The following ITPK1 variants were observed in gnomAD, a reference collection of about 807,000 sequenced individuals.
The protein encoded by ITPK1 is inositol 1,3,4-trisphosphate 5/6-kinase.
ITPK1 carries 21 observed loss-of-function variants against 45.3 expected under a neutral mutation model. That is an observed-to-expected ratio of 0.46 (90% CI 0.33 to 0.67). ITPK1 has a LOEUF of 0.67. Among genes scored for constraint, ITPK1 ranks in the 30% least tolerant of loss-of-function variants. The probability of loss-of-function intolerance (pLI) is 0.02; values close to 1 mark genes in which losing one functional copy is unlikely to be tolerated. For missense variants in ITPK1, 474 were observed against 573.5 expected (o/e 0.83, Z 1.77); for synonymous variants, 258 against 253.6 (o/e 1.02, Z -0.16).
intron 4 of ITPK1, among the ~76,000 whole-genome samples, chr14:93,001,381 G>C (rs1259276422): frequency 6.6e-6 from 1 of 152,138 alleles, no homozygotes; most frequent in Non-Finnish European, 1.5e-5. Context: ...TGCTTCTCGG[G>C]ACTCCAGCTT....
rs1472838992 is a variant in ITPK1 at position 92,937,810 on chromosome 14, C to T, written c.*3751G>A. 6.6e-6 allele frequency: 1 copy of T among 152,610 alleles called. No homozygotes were observed. Among genetic ancestry groups the T allele is most frequent in the African/African-American group, 2.4e-5 (1 of 41,470 alleles). The allele number at this position is 152,610 out of a possible 1,614,324, so 9.5% of individuals were successfully genotyped here. On this transcript the variant is annotated 3_prime_UTR_variant, in exon 11 of 11. Coordinates refer to ENST00000267615, the MANE Select transcript of ITPK1 (RefSeq NM_014216.6). ...CTTTGTCAAGGACAGCTGCACTTCT[C>T]TGCCTCCCGGTCACCAGGCTGGAGG...
In ITPK1 at chr14:92,938,415, T is replaced by G. The variant is rs1887211076; in HGVS notation, c.*3146A>C. Reference sequence around the variant, plus strand: ...AACGACAGGCTGGCTCCCTTGGTCTTGGGGTGGCTGTCTGGCAGGCAACAG... The same window carrying G: ...AACGACAGGCTGGCTCCCTTGGTCTGGGGGTGGCTGTCTGGCAGGCAACAG... On this transcript the variant is annotated 3_prime_UTR_variant, in exon 11 of 11. Coordinates refer to ENST00000267615, the MANE Select transcript of ITPK1 (RefSeq NM_014216.6). The G allele has an allele frequency of 8.0e-7, 1 of 1,243,052 alleles. No individual in the cohort carries two copies. The highest frequency in any genetic ancestry group is 1.7e-5 in the Admixed American group (1 of 59,198). The allele number at this position is 1,243,052 out of a possible 1,614,324, so 77.0% of individuals were successfully genotyped here.
At chr14:93,028,907 G>C (rs1352437746) in intron 3 of ITPK1, among the ~76,000 whole-genome samples, 1 of 152,224 alleles carries the variant, frequency 6.6e-6, no homozygotes, top group Non-Finnish European at 1.5e-5. Context: ...AGACGCTCAA[G>C]CTGACTGAGC....
intron 9 of ITPK1, among the ~76,000 whole-genome samples, chr14:92,948,423 G>A (rs1010726505): frequency 5.9e-5 from 9 of 152,240 alleles, no homozygotes; most frequent in African/African-American, 2.2e-4. Flanking sequence ...GTGCAATCAC[G>A]GCTCACTGCA....
chr14:92,962,281 G>A, intron 7 of ITPK1, 74 bp downstream of exon 7: 1 of 1,101,018 alleles, frequency 9.1e-7, no homozygotes, highest in Non-Finnish European at 1.4e-6. Flanking sequence ...GAGGAATCCG[G>A]CAGGGTAGCA....
intron 3 of ITPK1, among the ~76,000 whole-genome samples, chr14:93,031,185 CA>C (rs1233502290): frequency 2.0e-5 from 3 of 152,040 alleles, no homozygotes; most frequent in Non-Finnish European, 2.9e-5. Context: ...GAAGAAGGCC[CA>C]GGAGAGACCT....
Position 92,941,532 on chromosome 14 carries a change from C to A in ITPK1, c.*29G>T. ...CCCAGCGGGTGTGCTCTGCGCCCTG[C>A]GCTGCCCCTCTGGGTCCCGGCTCCG... On this transcript the variant is annotated 3_prime_UTR_variant, in exon 11 of 11. Transcript: ENST00000267615. 2 of 1,511,666 alleles carry A rather than the reference C, an allele frequency of 1.3e-6. No homozygotes were observed. Among genetic ancestry groups the A allele is most frequent in the Non-Finnish European group, 1.8e-6 (2 of 1,137,278 alleles). The allele number at this position is 1,511,666 out of a possible 1,614,324, so 93.6% of individuals were successfully genotyped here. A position where few individuals can be genotyped will look rare whatever the true frequency, so the allele number is the denominator to read the frequency against.
intron 9 of ITPK1, among the ~76,000 whole-genome samples, chr14:92,948,862 G>A (rs1004496553): frequency 6.6e-6 from 1 of 151,076 alleles, no homozygotes; most frequent in Admixed American, 6.6e-5. Flanking sequence ...CGCCGCCCAC[G>A]CTCCGAGGGA....
At chr14:93,096,079 G>A (rs1488936108) in intron 2 of ITPK1, among the ~76,000 whole-genome samples, 5 of 152,054 alleles carry the variant, frequency 3.3e-5, no homozygotes, top group East Asian at 1.9e-4. Context: ...GCTTCCTCAC[G>A]GCCCTGTCCT....
At chr14:92,944,116 G>GCGGTTATT (rs749468202) in intron 10 of ITPK1, among the ~76,000 whole-genome samples, 57 of 152,298 alleles carry the variant, frequency 3.7e-4, no homozygotes, top group Admixed American at 8.5e-4. Flanking sequence ...TGCAGCTGTT[G>GCGGTTATT]CGGTTATTAC....
chr14:93,075,163 C>T (rs988678222), intron 3 of ITPK1, among the ~76,000 whole-genome samples: 1 of 151,654 alleles, frequency 6.6e-6, no homozygotes, highest in Non-Finnish European at 1.5e-5. Context: ...CCCATCTCTA[C>T]TAAAAACACA....
chr14:92,951,853 G>C (rs1887967272), intron 9 of ITPK1, 93 bp downstream of exon 9: 9 of 981,534 alleles, frequency 9.2e-6, no homozygotes, highest in East Asian at 7.8e-5. Flanking sequence ...CCCTGCTGGA[G>C]AGCTTGGCCA....
intron 8 of ITPK1, among the ~76,000 whole-genome samples, chr14:92,955,959 G>A (rs539326758): frequency 9.6e-4 from 147 of 152,342 alleles, no homozygotes; most frequent in Non-Finnish European, 1.6e-3. Flanking sequence ...GTAGAAACCA[G>A]AGGACCCACG....
At chr14:93,084,035 C>T (rs1463227849) in intron 2 of ITPK1, among the ~76,000 whole-genome samples, 1 of 152,228 alleles carries the variant, frequency 6.6e-6, no homozygotes, top group Non-Finnish European at 1.5e-5. Flanking sequence ...GGCATGGCCA[C>T]AGGACTTGCC....
intron 5 of ITPK1, among the ~76,000 whole-genome samples, chr14:92,975,316 C>A (rs572117904): frequency 6.6e-6 from 1 of 152,212 alleles, no homozygotes; most frequent in Non-Finnish European, 1.5e-5. Flanking sequence ...GTGCCCCTGA[C>A]CCAGTACCCA....
At chr14:92,970,220 A>T (rs1355726547) in intron 5 of ITPK1, among the ~76,000 whole-genome samples, 1 of 152,246 alleles carries the variant, frequency 6.6e-6, no homozygotes, top group Non-Finnish European at 1.5e-5. Flanking sequence ...GAAGCCAGCC[A>T]GCCCGACGCT....
Position 92,993,978 on chromosome 14 carries a change from G to A in ITPK1, c.266C>T (p.Pro89Leu). Residue 89 changes from proline (P) to leucine (L), a missense_variant, in exon 5 of 11, where the codon CCT becomes CTT. Pro to Leu is a moderately conservative substitution (Grantham distance 98, BLOSUM62 -3). Transcript: ENST00000267615. ...HRFQEYIDAH[P>L]ETIVLDPLPA... ...GAGCGGGTCCAGGACGATGGTCTCA[G>A]GGTGGGCATCGATGTACTCCTGAAA... is the stretch of plus-strand genomic sequence containing the variant. 1.2e-6 allele frequency: 2 copies of A among 1,613,198 alleles called. No homozygotes were observed. The highest frequency in any genetic ancestry group is 1.7e-6 in the Non-Finnish European group (2 of 1,179,170).
chr14:93,101,137 C>T (rs1892301661), intron 2 of ITPK1, among the ~76,000 whole-genome samples: 1 of 152,212 alleles, frequency 6.6e-6, no homozygotes, highest in African/African-American at 2.4e-5. Context: ...CAGAACAGAA[C>T]ACACCCTCGC....
At chr14:93,071,220 C>T (rs887752975) in intron 3 of ITPK1, 8 of 153,414 alleles carry the variant, frequency 5.2e-5, no homozygotes, top group Admixed American at 3.3e-4. Flanking sequence ...ATCATCATCA[C>T]GTGGCCCAAC....
Sources: allele counts gnomAD v4.1 joint callset (sites outside exome capture counted in the v4.1 genomes callset), GRCh38; gene constraint gnomAD v4.1.1; transcripts MANE v1.5; gene names NCBI Gene and HGNC (gene_info 2026-07-23, HGNC 2026-07-21).